ACBD6: variants seen among roughly 807,000 people sequenced by gnomAD.
ACBD6 encodes the protein acyl-CoA binding domain containing 6, also known as acyl-CoA-binding domain-containing protein 6.
ACBD6 carries 28 observed loss-of-function variants against 37.2 expected under a neutral mutation model. The observed-to-expected ratio is 0.75, with a 90% CI of 0.56 to 1.03. ACBD6 has a LOEUF of 1.03. Among genes scored for constraint, ACBD6 ranks in the 50% least tolerant of loss-of-function variants. The pLI is 0.00. For missense variants in ACBD6, 340 were observed against 337.4 expected (o/e 1.01, Z -0.06); for synonymous variants, 113 against 126.8 (o/e 0.89, Z 0.73).
At chr1:180,415,943 C>T (rs1348133766) in intron 4 of ACBD6, among the ~76,000 whole-genome samples, 1 of 151,846 alleles carries the variant, frequency 6.6e-6, no homozygotes, top group East Asian at 1.9e-4. Flanking sequence ...ATTTGTTTAT[C>T]GTATATAGTT....
At chr1:180,422,274 C>A (rs890251199) in intron 4 of ACBD6, among the ~76,000 whole-genome samples, 1 of 150,754 alleles carries the variant, frequency 6.6e-6, no homozygotes, top group African/African-American at 2.4e-5. Context: ...GGCATGATTT[C>A]GGCTCACTGC....
intron 6 of ACBD6, among the ~76,000 whole-genome samples, chr1:180,392,281 G>GTA (rs34390996): frequency 0.56 from 75,355 of 134,454 alleles, 20,745 homozygotes; most frequent in South Asian, 0.69. Flanking sequence ...GTGTGTGTGT[G>GTA]TGTATGTATG....
chr1:180,382,113 T>G (rs1297518939), intron 6 of ACBD6, among the ~76,000 whole-genome samples: 1 of 83,586 alleles, frequency 1.2e-5, no homozygotes, highest in South Asian at 3.2e-4. Flanking sequence ...AGACTGCATC[T>G]CAAAAAAAAA....
At chr1:180,371,258 GATT>G (rs558458079) in intron 6 of ACBD6, among the ~76,000 whole-genome samples, 10 of 152,066 alleles carry the variant, frequency 6.6e-5, no homozygotes, top group African/African-American at 2.4e-4. Flanking sequence ...CAGCCAATAG[GATT>G]ATATCTAAAT....
intron 8 of ACBD6, among the ~76,000 whole-genome samples, chr1:180,282,972 GTTTTTTTTTTTTT>G (rs34828086): frequency 1.8e-5 from 2 of 109,990 alleles, no homozygotes; most frequent in African/African-American, 3.2e-5. Flanking sequence ...ATGTCTTTCT[GTTTTTTTTTTTTT>G]TTTTTTTTGG....
rs199936435 is a variant in ACBD6 at position 180,417,748 on chromosome 1, GTAAT to G, written c.468-4281_468-4278del. Among the ~76,000 whole-genome samples the G allele has an allele frequency of 7.1e-3, 1,077 of 152,168 alleles. 8 individuals are homozygous for G. The highest frequency in any genetic ancestry group is 0.024 in the African/African-American group (1,006 of 41,512). ...GTTGAAAAATGGACTCTGATCAATGGTAATTCACCAAAAATGCCACTCTGTGAAG... is the reference window on the plus strand; with the variant it reads ...GTTGAAAAATGGACTCTGATCAATGGTCACCAAAAATGCCACTCTGTGAAG... On this transcript the variant is annotated intron_variant, in intron 4 of 7. Transcript: ENST00000367595.
rs538068448 is a variant in ACBD6, at chr1:180,474,804, T to G, written c.384+17465A>C. On this transcript the variant is annotated intron_variant, in intron 3 of 7. Coordinates refer to ENST00000367595, the MANE Select transcript of ACBD6 (RefSeq NM_032360.4). Reference sequence around the variant, plus strand: ...TTAAAACAAATGGAGAATAAAAAAATATCCTCCTTCACTGGATTTCAAATC... The same window carrying G: ...TTAAAACAAATGGAGAATAAAAAAAGATCCTCCTTCACTGGATTTCAAATC... 2.0e-5 allele frequency among the ~76,000 whole-genome samples: 3 copies of G among 152,326 alleles called. No homozygotes were observed. In the East Asian group the frequency reaches 5.8e-4, roughly 29 times the overall value.
chr1:180,472,659 GA>G (rs1171399409), intron 3 of ACBD6, among the ~76,000 whole-genome samples: 2 of 152,088 alleles, frequency 1.3e-5, no homozygotes, highest in African/African-American at 2.4e-5. Flanking sequence ...TGATCAGCAG[GA>G]ATGCTAAAGA....
Position 180,470,948 on chromosome 1 carries a change from C to T in ACBD6, c.384+21321G>A, listed in dbSNP as rs1019282864. 6.6e-5 allele frequency among the ~76,000 whole-genome samples: 10 copies of T among 152,176 alleles called. No homozygotes were observed. The South Asian group carries it at 8.3e-4, about 13-fold the overall frequency. On this transcript the variant is annotated intron_variant, in intron 3 of 7. Transcript: ENST00000367595. Reference sequence around the variant, plus strand: ...CTCAATTTCTTTGATGAAATAAATCCGTCTCTTAAAGAAAAATATTCTGTT... The same window carrying T: ...CTCAATTTCTTTGATGAAATAAATCTGTCTCTTAAAGAAAAATATTCTGTT...
At chr1:180,404,008 T>C (rs914286788) in intron 5 of ACBD6, among the ~76,000 whole-genome samples, 1 of 152,016 alleles carries the variant, frequency 6.6e-6, no homozygotes, top group Non-Finnish European at 1.5e-5. Flanking sequence ...TGGAGTGCAG[T>C]GGTGCGATCT....
At chr1:180,372,772 C>G (rs1361680151) in intron 6 of ACBD6, among the ~76,000 whole-genome samples, 1 of 152,154 alleles carries the variant, frequency 6.6e-6, no homozygotes, top group Admixed American at 6.6e-5. Context: ...TTACTTCTTT[C>G]CAAGTGTCAT....
intron 3 of ACBD6, among the ~76,000 whole-genome samples, chr1:180,449,408 C>T (rs998200858): frequency 2.0e-5 from 3 of 148,132 alleles, no homozygotes; most frequent in African/African-American, 7.6e-5. Flanking sequence ...CTACAACTCG[C>T]ACTTTTTTTT....
intron 3 of ACBD6, 77 bp from the exon 4 acceptor site, chr1:180,430,339 T>G (rs959447807): frequency 2.4e-6 from 3 of 1,248,106 alleles, no homozygotes; most frequent in Non-Finnish European, 2.3e-6. Context: ...TTACAAAATG[T>G]TATTTTGCTA....
At chr1:180,275,443 A>AATC (rs1648967350) in intron 9 of ACBD6, 1 of 152,254 alleles carries the variant, frequency 6.6e-6, no homozygotes, top group African/African-American at 2.4e-5. Context: ...AATGACAATC[A>AATC]ATCAGTGAAC....
intron 7 of ACBD6, among the ~76,000 whole-genome samples, chr1:180,293,275 G>C (rs1649785926): frequency 6.7e-6 from 1 of 149,226 alleles, no homozygotes; most frequent in Non-Finnish European, 1.5e-5. Flanking sequence ...TCTATTTTCT[G>C]GAAGTGTTTG....
At chr1:180,398,059 T>TACAACAACAACAACA (rs10583778) in intron 5 of ACBD6, among the ~76,000 whole-genome samples, 1 of 149,268 alleles carries the variant, frequency 6.7e-6, no homozygotes. Flanking sequence ...TCTCAAAAAC[T>TACAACAACAACAACA]ACAACAACAA....
chr1:180,393,798 C>A (rs1654160861), intron 6 of ACBD6, among the ~76,000 whole-genome samples: 1 of 152,166 alleles, frequency 6.6e-6, no homozygotes, highest in Admixed American at 6.5e-5. Flanking sequence ...AAAAGAGAAT[C>A]AAAGCTGGTG....
intron 3 of ACBD6, among the ~76,000 whole-genome samples, chr1:180,476,723 G>C (rs1180733840): frequency 1.3e-5 from 2 of 152,134 alleles, no homozygotes; most frequent in East Asian, 3.9e-4. Context: ...CTACTCGGGA[G>C]GCTGAGGCAG....
intron 6 of ACBD6, among the ~76,000 whole-genome samples, chr1:180,369,153 C>G (rs1320564247): frequency 6.6e-6 from 1 of 152,206 alleles, no homozygotes; most frequent in Non-Finnish European, 1.5e-5. Flanking sequence ...GGCAGGCCTC[C>G]CCCAACATTT....
Sources: gnomAD v4.1 joint callset for allele counts (sites outside exome capture counted in the v4.1 genomes callset) on GRCh38, gnomAD v4.1.1 for gene constraint, MANE v1.5 for transcripts, NCBI Gene and HGNC (gene_info 2026-07-23, HGNC 2026-07-21) for gene names.